NSUN7: variants seen among roughly 807,000 people sequenced by gnomAD.
NSUN7 encodes the protein NOP2/Sun RNA methyltransferase family member 7.
A neutral mutation model predicts 58.5 loss-of-function variants in NSUN7; 39 were observed. The ratio of observed to expected loss-of-function variants is 0.67; its 90% CI spans 0.52 to 0.87. The LOEUF (loss-of-function observed/expected upper bound fraction) is 0.87, where lower values mean the gene tolerates loss of function less well. NSUN7 is among the 40% of genes least tolerant of loss of function. The pLI is 0.00. For synonymous variants in NSUN7, 278 were observed against 303.7 expected (o/e 0.92, Z 0.88); for missense variants, 765 against 844.1 (o/e 0.91, Z 1.16).
chr4:40,803,955 A>G (rs941112619), intron 10 of NSUN7, among the ~76,000 whole-genome samples: 1 of 152,192 alleles, frequency 6.6e-6, no homozygotes, highest in Non-Finnish European at 1.5e-5. Flanking sequence ...CTAGCTACTC[A>G]GGAGGTCAAG....
Position 40,808,881 on chromosome 4 carries a change from A to G in NSUN7, c.2099A>G (p.Glu700Gly). ...ACACACTCACTATCCAGAAAAGAGGAAAAGCCTAAAGATGACACACCTTCC... is the reference window on the plus strand; with the variant it reads ...ACACACTCACTATCCAGAAAAGAGGGAAAGCCTAAAGATGACACACCTTCC... The part of the protein sequence containing the change: ...LPTHSLSRKE[E>G]KPKDDTPSSL... Residue 700 changes from glutamate to glycine, a missense_variant, in exon 12 of 12, where the codon GAA becomes GGA. By Grantham distance (98) the Glu-to-Gly change is moderately conservative. Transcript: ENST00000381782. The G allele has an allele frequency of 6.5e-7, 1 of 1,545,822 alleles. No homozygotes were observed. The highest frequency in any genetic ancestry group is 8.7e-7 in the Non-Finnish European group (1 of 1,146,626).
At chr4:40,772,556 A>G (rs566535861) in intron 4 of NSUN7, among the ~76,000 whole-genome samples, 3 of 152,250 alleles carry the variant, frequency 2.0e-5, no homozygotes, top group African/African-American at 7.2e-5. Flanking sequence ...TCTCTCTCAT[A>G]TACATACACA....
At chr4:40,754,382 A>T (rs1172050971) in intron 2 of NSUN7, among the ~76,000 whole-genome samples, 2 of 152,114 alleles carry the variant, frequency 1.3e-5, no homozygotes, top group Admixed American at 1.3e-4. Context: ...TCCTAACCTC[A>T]GATAATCTGC....
intron 9 of NSUN7, among the ~76,000 whole-genome samples, chr4:40,794,953 G>A (rs1743253686): frequency 6.6e-6 from 1 of 152,196 alleles, no homozygotes; most frequent in Non-Finnish European, 1.5e-5. Flanking sequence ...TAACAAGGCG[G>A]CACTTTGAGT....
At chr4:40,774,241 T>G (rs1234437528) in intron 4 of NSUN7, 24 bp from the exon 5 acceptor site, 5 of 1,610,928 alleles carry the variant, frequency 3.1e-6, no homozygotes, top group Non-Finnish European at 4.2e-6. Context: ...TGCAATAGAT[T>G]AAGGATGGAT....
rs1345422755 is a variant in NSUN7, at chr4:40,810,246, A to AT, written c.*1311dup. ...ATTATAGCGGTAATACATTATTTTT[A>AT]TTTTAGCTTAGATTTACATTTATCA... On this transcript the variant is annotated 3_prime_UTR_variant, in exon 12 of 12. Transcript: ENST00000381782. 1 of 152,154 alleles carries AT rather than the reference A, an allele frequency of 6.6e-6. No individual in the cohort carries two copies. The highest frequency in any genetic ancestry group is 1.5e-5 in the Non-Finnish European group (1 of 68,016). The allele number at this position is 152,154 out of a possible 1,614,324, so 9.4% of individuals were successfully genotyped here.
At position 40,780,790 on chromosome 4, in the gene NSUN7, C is replaced by CACACACAT. The variant is rs1402006014; in HGVS notation, c.1036+4534_1036+4535insCACATACA. On this transcript the variant is annotated intron_variant, in intron 7 of 11. Transcript: ENST00000381782. ...ACACACACACACACACACACACATACACATATATATATATATATATATATT... is the reference window on the plus strand; with the variant it reads ...ACACACACACACACACACACACATACACACACATACATATATATATATATATATATATT... Among the ~76,000 whole-genome samples, 228 of 110,970 alleles carry CACACACAT rather than the reference C, an allele frequency of 2.1e-3. 1 individual carries two copies. The highest frequency in any genetic ancestry group is 3.4e-3 in the Non-Finnish European group (195 of 58,150). The allele number at this position is 110,970 out of a possible 152,430, so 72.8% of individuals were successfully genotyped here. A position where few individuals can be genotyped will look rare whatever the true frequency, so the allele number is the denominator to read the frequency against.
chr4:40,773,187 C>CT (rs1742094164), intron 4 of NSUN7: 1 of 152,174 alleles, frequency 6.6e-6, no homozygotes, highest in Non-Finnish European at 1.5e-5. Context: ...GTGCCAGGCA[C>CT]TGCGCTAAGA....
In NSUN7 at chr4:40,774,879, A is replaced by C. The variant is rs1742191500; in HGVS notation, c.754A>C (p.Ile252Leu). 2 of 1,374,590 alleles carry C rather than the reference A, an allele frequency of 1.5e-6. No individual in the cohort carries two copies. The highest frequency in any genetic ancestry group is 2.1e-6 in the Non-Finnish European group (2 of 963,566). The allele number at this position is 1,374,590 out of a possible 1,614,324, so 85.1% of individuals were successfully genotyped here. ...AVDQHCYDVLIFPSHLKNDLI... is the reference protein window; with the variant it reads ...AVDQHCYDVLLFPSHLKNDLI... ...GGATCAACATTGCTATGATGTCTTAATTTTTCCATCTCATCTTAAAAATGA... is the reference window on the plus strand; with the variant it reads ...GGATCAACATTGCTATGATGTCTTACTTTTTCCATCTCATCTTAAAAATGA... Residue 252 changes from isoleucine to leucine, a missense_variant, in exon 6 of 12, where the codon ATT (isoleucine) becomes CTT (leucine). Coordinates refer to ENST00000381782, the MANE Select transcript of NSUN7 (RefSeq NM_024677.6).
At chr4:40,808,228 A>G (rs1355028091) in intron 11 of NSUN7, 79 bp from the exon 12 acceptor site, 1 of 1,451,212 alleles carries the variant, frequency 6.9e-7, no homozygotes, top group African/African-American at 1.4e-5. Context: ...TTTTATTTTT[A>G]CTGATACATT....
intron 4 of NSUN7, among the ~76,000 whole-genome samples, chr4:40,761,980 G>A (rs554380509): frequency 7.2e-5 from 11 of 152,326 alleles, no homozygotes; most frequent in African/African-American, 2.6e-4. Flanking sequence ...GTATGACAAT[G>A]TTGGGAGTTG....
chr4:40,772,827 A>T (rs1742076954), intron 4 of NSUN7, among the ~76,000 whole-genome samples: 1 of 152,116 alleles, frequency 6.6e-6, no homozygotes, highest in Non-Finnish European at 1.5e-5. Flanking sequence ...CACAACTCAG[A>T]TCGTATTTGA....
chr4:40,780,786 CATACACATATATATATAT>C (rs1284444226), intron 7 of NSUN7, among the ~76,000 whole-genome samples: 1 of 98,196 alleles, frequency 1.0e-5, no homozygotes, highest in African/African-American at 4.3e-5. Flanking sequence ...CACACACACA[CATACACATATATATATAT>C]ATATATATAT....
At position 40,774,806 on chromosome 4, in the gene NSUN7, TA is replaced by T; in HGVS notation, c.683del (p.Asn228IlefsTer24). On this transcript the variant is annotated frameshift_variant, in exon 6 of 12. Coordinates refer to ENST00000381782, the MANE Select transcript of NSUN7 (RefSeq NM_024677.6). LOFTEE classifies it high-confidence loss of function. ...ATAATAATTTGAAGAGAAGAGGCTA[TA>T]ATAAAGTCAAATCTGTATTGCATAT... The part of the protein sequence containing the change: ...VYNNLKRRGY[N>X]KVKSVLHIDD... 1 of 1,557,246 alleles carries T rather than the reference TA, an allele frequency of 6.4e-7. No homozygotes were observed. The highest frequency in any genetic ancestry group is 8.8e-7 in the Non-Finnish European group (1 of 1,134,830).
intron 4 of NSUN7, 71 bp from the exon 5 acceptor site, chr4:40,774,194 A>C (rs1452274995): frequency 1.0e-5 from 13 of 1,302,650 alleles, no homozygotes; most frequent in Non-Finnish European, 1.4e-5. Context: ...GTAATTTTTT[A>C]GAGTTTCCAG....
chr4:40,801,046 A>G (rs1355354850), intron 10 of NSUN7, among the ~76,000 whole-genome samples: 1 of 99,052 alleles, frequency 1.0e-5, no homozygotes, highest in African/African-American at 3.9e-5. Flanking sequence ...GAAGGGAGAA[A>G]GGGAGGGAGG....
intron 7 of NSUN7, chr4:40,785,979 G>A (rs1256435940): frequency 1.1e-5 from 14 of 1,273,864 alleles, no homozygotes; most frequent in African/African-American, 3.0e-5. Flanking sequence ...CCTCCCCAGC[G>A]GCTGGGAGAG....
Position 40,790,647 on chromosome 4 carries a change from A to T in NSUN7, c.1082A>T (p.Asp361Val). The T allele has an allele frequency of 6.3e-7, 1 of 1,595,218 alleles. No homozygotes were observed. The highest frequency in any genetic ancestry group is 8.6e-7 in the Non-Finnish European group (1 of 1,167,194). The change falls in exon 8 of 12, where the codon GAT (aspartate) becomes GTT (valine). Residue 361 changes from aspartate (D) to valine (V), a missense_variant. By Grantham distance (152) the Asp-to-Val change is radical (BLOSUM62 -3). Transcript: ENST00000381782. ...AAATTTATTAACATTGAATCAAAGG[A>T]TCACAGGTTACAGAAAGTTAAAGTG... ...HEKFINIESK[D>V]HRLQKVKVIL...
In NSUN7 at chr4:40,762,684, T is replaced by C. The variant is rs1741515918; in HGVS notation, c.488+1383T>C. ...AGACCAGTACCTGTCTGTGGCCTGT[T>C]AGGAACTGGGCAGCACAGCACGAGG... On this transcript the variant is annotated intron_variant, in intron 4 of 11. Coordinates refer to ENST00000381782, the MANE Select transcript of NSUN7 (RefSeq NM_024677.6). The C allele has an allele frequency of 2.0e-5, 3 of 152,298 alleles. No individual in the cohort carries two copies. In the South Asian group the frequency reaches 6.2e-4, roughly 32 times the overall value. 9.4% of individuals were successfully genotyped at this position (152,298 alleles called of 1,614,324 possible).
Sources: gnomAD v4.1 joint callset for allele counts (sites outside exome capture counted in the v4.1 genomes callset) on GRCh38, gnomAD v4.1.1 for gene constraint, MANE v1.5 for transcripts, NCBI Gene and HGNC (gene_info 2026-07-23, HGNC 2026-07-21) for gene names.